The following C11orf71 variants were observed in gnomAD, a reference collection of about 807,000 sequenced individuals.
C11orf71 encodes the protein uncharacterized protein C11orf71.
For missense variants in C11orf71, 179 were observed against 167.6 expected, an observed-to-expected ratio of 1.07 and a Z score of -0.38; for synonymous variants, 72 against 73.4, an observed-to-expected ratio of 0.98 and a Z score of 0.09.
Position 114,399,747 on chromosome 11 carries a change from T to C in C11orf71, c.*213A>G. On this transcript the variant is annotated 3_prime_UTR_variant, in exon 1 of 1. Coordinates refer to ENST00000623205, the MANE Select transcript of C11orf71 (RefSeq NM_001271562.2). ...GACCTAAGAATATCCCTTCCACACC[T>C]TTCCTGATCCAATCGTTCTGGCTGC... The C allele has an allele frequency of 1.4e-6, 1 of 736,434 alleles. No individual in the cohort carries two copies. Among genetic ancestry groups the C allele is most frequent in the Non-Finnish European group, 2.1e-6 (1 of 479,256 alleles). 45.6% of individuals were successfully genotyped at this position (736,434 alleles called of 1,614,324 possible).
rs1434507711 is a variant in C11orf71, at chr11:114,399,346, G to A, written c.*614C>T. The A allele has an allele frequency of 6.6e-6, 1 of 152,296 alleles. No individual in the cohort carries two copies. The highest frequency in any genetic ancestry group is 2.4e-5 in the African/African-American group (1 of 41,440). 9.4% of individuals were successfully genotyped at this position (152,296 alleles called of 1,614,324 possible). A position where few individuals can be genotyped will look rare whatever the true frequency, so the allele number is the denominator to read the frequency against. Reference sequence around the variant, plus strand: ...TAATGTTTTCACCAGTGTATTTTAGGACAGCAGATTCAGATTAATGCGCTG... The same window carrying A: ...TAATGTTTTCACCAGTGTATTTTAGAACAGCAGATTCAGATTAATGCGCTG... On this transcript the variant is annotated 3_prime_UTR_variant, in exon 1 of 1. Transcript: ENST00000623205.
At position 114,398,786 on chromosome 11, in the gene C11orf71, A is replaced by G. The variant is rs1178429081; in HGVS notation, c.*1174T>C. On this transcript the variant is annotated 3_prime_UTR_variant, in exon 1 of 1. Transcript: ENST00000623205. ...TCAACATTCTTCTTAACACGTAGTT[A>G]TAACAATTCAATACTATGTGGTGTA... is the stretch of plus-strand genomic sequence containing the variant. 6.6e-6 allele frequency: 1 copy of G among 152,234 alleles called. No individual in the cohort carries two copies. Among genetic ancestry groups the G allele is most frequent in the African/African-American group, 2.4e-5 (1 of 41,454 alleles). 9.4% of individuals were successfully genotyped at this position (152,234 alleles called of 1,614,324 possible).
chr11:114,393,518 C>CATAT (rs1436215391), intron 1 of C11orf71, among the ~76,000 whole-genome samples: 2 of 152,294 alleles, frequency 1.3e-5, no homozygotes, highest in Non-Finnish European at 2.9e-5. Flanking sequence ...CAATTAAAAT[C>CATAT]ATATGCCTGT....
downstream of C11orf71, among the ~76,000 whole-genome samples, chr11:114,394,418 C>G (rs1213231644): frequency 6.6e-6 from 1 of 151,912 alleles, no homozygotes; most frequent in Non-Finnish European, 1.5e-5. Flanking sequence ...CCTCAGACTC[C>G]CAAGTAGCTG....
At chr11:114,392,746 C>A (rs1288510751) in intron 1 of C11orf71, among the ~76,000 whole-genome samples, 75 of 132,476 alleles carry the variant, frequency 5.7e-4, no homozygotes, top group Middle Eastern at 3.6e-3. Context: ...AAAAAAAAAA[C>A]AAAAAAAAAT....
downstream of C11orf71, chr11:114,398,472 C>A (rs1946144256): frequency 6.6e-6 from 1 of 152,070 alleles, no homozygotes; most frequent in Non-Finnish European, 1.5e-5. Flanking sequence ...AAGTAGAGTA[C>A]CCCTCTTATG....
downstream of C11orf71, among the ~76,000 whole-genome samples, chr11:114,398,042 A>T (rs1946141633): frequency 6.6e-6 from 1 of 152,246 alleles, no homozygotes; most frequent in Non-Finnish European, 1.5e-5. Flanking sequence ...AAAATCCTTC[A>T]CAAGATTCAG....
At chr11:114,394,205 T>C (rs1448938164), downstream of C11orf71, among the ~76,000 whole-genome samples, 2 of 51,422 alleles carry the variant, frequency 3.9e-5, no homozygotes, top group African/African-American at 1.2e-4. Context: ...TTTCTTTTCT[T>C]TTCTTTTCTT....
downstream of C11orf71, among the ~76,000 whole-genome samples, chr11:114,394,179 G>GT (rs1491529499): frequency 3.7e-5 from 3 of 80,282 alleles, no homozygotes; most frequent in East Asian, 3.4e-4. Flanking sequence ...ACGGGGTTTC[G>GT]TTTCTTTTCT....
downstream of C11orf71, among the ~76,000 whole-genome samples, chr11:114,397,233 C>G (rs903435378): frequency 1.3e-5 from 2 of 152,140 alleles, no homozygotes; most frequent in Non-Finnish European, 2.9e-5. Context: ...TAGAAATCAT[C>G]TATTTTAGAA....
downstream of C11orf71, among the ~76,000 whole-genome samples, chr11:114,394,619 G>A (rs1339506288): frequency 1.3e-5 from 2 of 151,510 alleles, no homozygotes; most frequent in South Asian, 2.1e-4. Flanking sequence ...CGTGTTAGCC[G>A]GGATGGTCTC....
chr11:114,394,287 C>CTTTTCTTTTCTTTTCTTTTCTTTTCTTT (rs1405828880), downstream of C11orf71, among the ~76,000 whole-genome samples: 1 of 71,356 alleles, frequency 1.4e-5, no homozygotes, highest in Non-Finnish European at 2.6e-5. Context: ...CTTTTCTTTT[C>CTTTTCTTTTCTTTTCTTTTCTTTTCTTT]TCTTATTTTC....
At chr11:114,395,492 A>C (rs1251855387), downstream of C11orf71, among the ~76,000 whole-genome samples, 1 of 152,172 alleles carries the variant, frequency 6.6e-6, no homozygotes, top group Non-Finnish European at 1.5e-5. Flanking sequence ...TGGAGTGTGC[A>C]ATGTATGAGA....
chr11:114,394,262 C>T (rs574195273), downstream of C11orf71, among the ~76,000 whole-genome samples: 2 of 65,162 alleles, frequency 3.1e-5, no homozygotes, highest in Non-Finnish European at 5.3e-5. Context: ...CTTTTCTTTT[C>T]TTTTCTTTTC....
chr11:114,391,691 TA>T, intron 1 of C11orf71: 2 of 1,123,970 alleles, frequency 1.8e-6, no homozygotes, highest in Non-Finnish European at 2.5e-6. Context: ...TGGATGAGTA[TA>T]AGATGGCAGG....
downstream of C11orf71, among the ~76,000 whole-genome samples, chr11:114,394,641 C>T (rs971109933): frequency 6.6e-6 from 1 of 151,946 alleles, no homozygotes; most frequent in East Asian, 1.9e-4. Context: ...ATCTCCTGAC[C>T]TTGTGATCCG....
In C11orf71 at chr11:114,400,307, A is replaced by C; in HGVS notation, c.25T>G (p.Ser9Ala). 6.2e-7 allele frequency: 1 copy of C among 1,609,352 alleles called. No individual in the cohort carries two copies. Among genetic ancestry groups the C allele is most frequent in the Non-Finnish European group, 8.5e-7 (1 of 1,177,974 alleles). ...ACCCTGCTCCTCTGATCACCGGAGG[A>C]CAGGGACACATTGTTCAGGGCCATA... MALNNVSLSSGDQRSRVAY... is the reference protein window; with the variant it reads MALNNVSLASGDQRSRVAY... Residue 9 changes from serine (S) to alanine (A), a missense_variant, in exon 1 of 1, where the codon TCC (serine) becomes GCC (alanine). Physicochemically the swap from Ser to Ala is moderately conservative, Grantham distance 99 (BLOSUM62 1). Transcript: ENST00000623205.
At chr11:114,394,398 G>A (rs1265686605), downstream of C11orf71, among the ~76,000 whole-genome samples, 2 of 149,874 alleles carry the variant, frequency 1.3e-5, no homozygotes, top group African/African-American at 4.9e-5. Context: ...AGGTTCAAGC[G>A]ATTCTCCTGC....
At chr11:114,394,051 C>T (rs1175751800), downstream of C11orf71, among the ~76,000 whole-genome samples, 3 of 151,932 alleles carry the variant, frequency 2.0e-5, no homozygotes, top group Admixed American at 1.3e-4. Flanking sequence ...GCGATCTAGG[C>T]TCCCTGCAAG....
Sources: allele counts gnomAD v4.1 joint callset (sites outside exome capture counted in the v4.1 genomes callset), GRCh38; gene constraint gnomAD v4.1.1; transcripts MANE v1.5; gene names NCBI Gene and HGNC (gene_info 2026-07-23, HGNC 2026-07-21).